The following POLRMT variants were observed in gnomAD, a reference collection of about 807,000 sequenced individuals.
POLRMT encodes the protein DNA-directed RNA polymerase, mitochondrial.
Under a neutral mutation model 132.2 loss-of-function variants are expected in POLRMT, and 114 were observed. The ratio of observed to expected loss-of-function variants is 0.86; its 90% CI spans 0.74 to 1.01. POLRMT has a LOEUF of 1.01. Ranked by LOEUF, POLRMT falls within the 50% of genes least tolerant of loss-of-function variation. POLRMT has a pLI of 0.00. For synonymous variants in POLRMT, 1,020 were observed against 773.4 expected, an observed-to-expected ratio of 1.32 and a Z score of -5.29; for missense variants, 2,003 against 1,729.1, an observed-to-expected ratio of 1.16 and a Z score of -2.81.
rs1286809431 is a variant in POLRMT, at chr19:622,575, G to C, written c.1626+7C>G. On this transcript the variant is annotated splice_region_variant and intron_variant, in intron 8 of 20. Coordinates refer to ENST00000588649, the MANE Select transcript of POLRMT (RefSeq NM_005035.4). The stretch of plus-strand genomic sequence containing the variant: ...CCAGCCAGGAGGAGAGGGGGTGCGA[G>C]CCTCACCTCGGCGTCGGAGGCCAGC... 6.3e-7 allele frequency: 1 copy of C among 1,595,136 alleles called. No homozygotes were observed. Among genetic ancestry groups the C allele is most frequent in the Admixed American group, 1.7e-5 (1 of 58,814 alleles).
chr19:626,561 A>G (rs367952917), intron 3 of POLRMT, among the ~76,000 whole-genome samples: 1 of 143,904 alleles, frequency 6.9e-6, no homozygotes, highest in South Asian at 2.4e-4. Context: ...CCAAGACAGG[A>G]GGATCACAAG....
chr19:621,931 G>C (rs1048961881), intron 9 of POLRMT, 85 bp from the exon 10 acceptor site: 6 of 1,470,178 alleles, frequency 4.1e-6, no homozygotes, highest in Non-Finnish European at 5.5e-6. Flanking sequence ...AGAGGGGCCG[G>C]CTCCCCGGCC....
intron 3 of POLRMT, among the ~76,000 whole-genome samples, chr19:628,936 G>A (rs1985212954): frequency 6.6e-6 from 1 of 152,058 alleles, no homozygotes; most frequent in Non-Finnish European, 1.5e-5. Context: ...CCTGGGAGGT[G>A]GAGGTGGCCA....
chr19:625,098 G>GT, intron 4 of POLRMT, 26 bp downstream of exon 4: 1 of 1,604,854 alleles, frequency 6.2e-7, no homozygotes, highest in East Asian at 2.2e-5. Context: ...ATGGTGGGGG[G>GT]TGGGGGCCCT....
At chr19:626,722 G>A (rs1006985471) in intron 3 of POLRMT, among the ~76,000 whole-genome samples, 53 of 142,222 alleles carry the variant, frequency 3.7e-4, no homozygotes, top group African/African-American at 1.5e-3. Flanking sequence ...TTAGCTGGGC[G>A]TGGTGGCACA....
Position 617,253 on chromosome 19 carries a change from AC to A in POLRMT, c.*20del. On this transcript the variant is annotated 3_prime_UTR_variant, in exon 21 of 21. Transcript: ENST00000588649. ...GGTGGCAAAAGAGCTTTATTTACACACTGACAAGGCTCACGGGGTGTCAGCT... is the reference window on the plus strand; with the variant it reads ...GGTGGCAAAAGAGCTTTATTTACACATGACAAGGCTCACGGGGTGTCAGCT... 6.2e-7 allele frequency: 1 copy of A among 1,612,248 alleles called. No homozygotes were observed. The highest frequency in any genetic ancestry group is 2.2e-5 in the East Asian group (1 of 44,870).
chr19:623,078 T>A, intron 6 of POLRMT, 93 bp from the exon 7 acceptor site: 1 of 1,421,908 alleles, frequency 7.0e-7, no homozygotes, highest in Non-Finnish European at 9.5e-7. Context: ...TGCAGAGACC[T>A]CATGGCCCTC....
rs369974162 is a variant in POLRMT, at chr19:619,581, C to G, written c.3066+5G>C. The G allele has an allele frequency of 3.7e-6, 6 of 1,611,332 alleles. No homozygotes were observed. The East Asian group carries it at 1.3e-4, about 36-fold the overall frequency. Reference sequence around the variant, plus strand: ...CGTGTTCGCAGCGCGACATGCCTGGCGCACCTGGGGAAAGTCGCTCAGCTC... The same window carrying G: ...CGTGTTCGCAGCGCGACATGCCTGGGGCACCTGGGGAAAGTCGCTCAGCTC... On this transcript the variant is annotated splice_donor_5th_base_variant and intron_variant, in intron 13 of 20. Transcript: ENST00000588649.
At chr19:617,941 TGA>T in intron 17 of POLRMT, 92 bp from the exon 18 acceptor site, 1 of 1,253,058 alleles carries the variant, frequency 8.0e-7, no homozygotes, top group Non-Finnish European at 1.1e-6. Context: ...CCCCTCCACT[TGA>T]GGTCCAGGGA....
At position 621,726 on chromosome 19, in the gene POLRMT, G is replaced by A. The variant is rs1327953144; in HGVS notation, c.1972C>T (p.Pro658Ser). 1.9e-6 allele frequency: 3 copies of A among 1,598,262 alleles called. No individual in the cohort carries two copies. Among genetic ancestry groups the A allele is most frequent in the Non-Finnish European group, 1.7e-6 (2 of 1,177,760 alleles). The change falls in exon 10 of 21, where the codon CCG becomes TCG. Residue 658 changes from proline (P) to serine (S), a missense_variant. By Grantham distance (74) the Pro-to-Ser change is moderately conservative. Coordinates refer to ENST00000588649, the MANE Select transcript of POLRMT (RefSeq NM_005035.4). Reference protein sequence around the residue: ...MLCPPLPWTSPHSGAFLLSPT... With the variant: ...MLCPPLPWTSSHSGAFLLSPT... ...CTGAGCAGGAAAGCACCAGAGTGCG[G>A]CGATGTCCAGGGCAGCGGGGGGCAA...
rs563925555 is a variant in POLRMT, at chr19:622,804, C to A, written c.1455+17G>T. ...CCCGCCCCGCCCGGGGACCCGGCCG[C>A]GCGGAGGAAGACGCACCTGCAGGAG... On this transcript the variant is annotated intron_variant, in intron 7 of 20. Coordinates refer to ENST00000588649, the MANE Select transcript of POLRMT (RefSeq NM_005035.4). 3 of 1,574,064 alleles carry A rather than the reference C, an allele frequency of 1.9e-6. No homozygotes were observed. Among genetic ancestry groups the A allele is most frequent in the African/African-American group, 2.7e-5 (2 of 73,944 alleles).
Position 623,443 on chromosome 19 carries a change from T to C in POLRMT, c.1290+11A>G, listed in dbSNP as rs754255227. On this transcript the variant is annotated intron_variant, in intron 6 of 20. Transcript: ENST00000588649. ...CCTGCGGCGGACACGGGACCCCGGCTCAGCCCCTACCGCGTGCTTGACCTC... is the reference window on the plus strand; with the variant it reads ...CCTGCGGCGGACACGGGACCCCGGCCCAGCCCCTACCGCGTGCTTGACCTC... The C allele has an allele frequency of 1.9e-6, 3 of 1,610,492 alleles. No individual in the cohort carries two copies. Among genetic ancestry groups the C allele is most frequent in the East Asian group, 4.5e-5 (2 of 44,844 alleles).
At position 624,701 on chromosome 19, in the gene POLRMT, G is replaced by C; in HGVS notation, c.1140+18C>G. The C allele has an allele frequency of 6.2e-7, 1 of 1,606,868 alleles. No homozygotes were observed. The highest frequency in any genetic ancestry group is 8.5e-7 in the Non-Finnish European group (1 of 1,175,518). On this transcript the variant is annotated intron_variant, in intron 5 of 20. Coordinates refer to ENST00000588649, the MANE Select transcript of POLRMT (RefSeq NM_005035.4). ...CAGCTATAAGGACTGAAGTCTGCCG[G>C]GGCCCACGTGGGCTCACCTTGGCAT...
rs776018162 is a variant in POLRMT, at chr19:619,326, C to T, written c.3067-30G>A. 9 of 1,601,308 alleles carry T rather than the reference C, an allele frequency of 5.6e-6. No homozygotes were observed. The Admixed American group carries it at 1.0e-4, about 18-fold the overall frequency. ...AGAGGGCGGGCAGCAGGTGCAGGTCCTCAGGGGCTGGCCCGTTCACGCCCT... is the reference window on the plus strand; with the variant it reads ...AGAGGGCGGGCAGCAGGTGCAGGTCTTCAGGGGCTGGCCCGTTCACGCCCT... On this transcript the variant is annotated intron_variant, in intron 13 of 20. Transcript: ENST00000588649.
In POLRMT at chr19:624,885, T is replaced by G. The variant is rs767156026; in HGVS notation, c.974A>C (p.Gln325Pro). 7 of 1,612,258 alleles carry G rather than the reference T, an allele frequency of 4.3e-6. No homozygotes were observed. Among genetic ancestry groups the G allele is most frequent in the South Asian group, 1.1e-5 (1 of 91,038 alleles). ...GAGTGCCTGCAGCTTCAGCCCCTCC[T>G]GGCTCATCTGTTCCAGACACCTGTG... ...TIERCLEQMS[Q>P]EGLKLQALFT... is the part of the protein sequence containing the mutation. The change falls in exon 5 of 21, where the codon CAG becomes CCG. Residue 325 changes from glutamine to proline, a missense_variant. By Grantham distance (76) the Gln-to-Pro change is moderately conservative. Transcript: ENST00000588649.
At position 620,911 on chromosome 19, in the gene POLRMT, AG is replaced by A; in HGVS notation, c.2640+146del. The A allele has an allele frequency of 1.1e-4, 8 of 74,158 alleles. 1 individual carries two copies. The highest frequency in any genetic ancestry group is 5.9e-4 in the South Asian group (2 of 3,410). The allele number at this position is 74,158 out of a possible 1,614,324, so 4.6% of individuals were successfully genotyped here. On this transcript the variant is annotated intron_variant, in intron 10 of 20. Coordinates refer to ENST00000588649, the MANE Select transcript of POLRMT (RefSeq NM_005035.4). ...GGCGCCAGGGGAGGGGGAGGGGAGG[AG>A]GAAGACGGGCAGGGGGCGCCAGGGG...
chr19:626,875 G>A (rs1985054533), intron 3 of POLRMT, among the ~76,000 whole-genome samples: 1 of 118,422 alleles, frequency 8.4e-6, no homozygotes, highest in Non-Finnish European at 1.7e-5. Context: ...TGGAGACTCT[G>A]TCTTAAAATA....
At position 621,469 on chromosome 19, in the gene POLRMT, C is replaced by T; in HGVS notation, c.2229G>A (p.Glu743=). ...APPSEAPQPP[E]AHLPHSAAPA... is the part of the protein sequence containing the mutation. ...GCGCGGCGCTGTGCGGCAGGTGGGC[C>T]TCGGGCGGCTGGGGCGCCTCGGAGG... is the stretch of plus-strand genomic sequence containing the variant. Residue 743 remains glutamate, a synonymous_variant, in exon 10 of 21, where the codon GAG becomes GAA. Transcript: ENST00000588649. 1.5e-6 allele frequency: 2 copies of T among 1,368,698 alleles called. No homozygotes were observed. The highest frequency in any genetic ancestry group is 6.2e-5 in the East Asian group (2 of 32,310). 84.8% of individuals were successfully genotyped at this position (1,368,698 alleles called of 1,614,324 possible). A position where few individuals can be genotyped will look rare whatever the true frequency, so the allele number is the denominator to read the frequency against.
Position 620,394 on chromosome 19 carries a change from C to T in POLRMT, c.2734G>A (p.Ala912Thr), listed in dbSNP as rs1359816662. The change falls in exon 11 of 21, where the codon GCC becomes ACC. Residue 912 changes from alanine to threonine, a missense_variant. Ala to Thr is a moderately conservative substitution (Grantham distance 58). Transcript: ENST00000588649. ...ANAVRASDPA[A>T]YVSHLPVHQD... ...TGGACGGGGAGGTGGGAGACATAGGCGGCAGGGTCGGAGGCGCGCACAGCG... is the reference window on the plus strand; with the variant it reads ...TGGACGGGGAGGTGGGAGACATAGGTGGCAGGGTCGGAGGCGCGCACAGCG... 1.9e-6 allele frequency: 3 copies of T among 1,582,172 alleles called. No homozygotes were observed. Among genetic ancestry groups the T allele is most frequent in the African/African-American group, 1.3e-5 (1 of 74,394 alleles).
Sources: gnomAD v4.1 joint callset for allele counts (sites outside exome capture counted in the v4.1 genomes callset) on GRCh38, gnomAD v4.1.1 for gene constraint, MANE v1.5 for transcripts, NCBI Gene and HGNC (gene_info 2026-07-23, HGNC 2026-07-21) for gene names.